Variants in GABRG3 observed in about 807,000 individuals in gnomAD.
The protein encoded by GABRG3 is gamma-aminobutyric acid type A receptor subunit gamma3.
A neutral mutation model predicts 48.8 loss-of-function variants in GABRG3; 25 were observed. The observed-to-expected ratio is 0.51, with a 90% CI of 0.37 to 0.72. The LOEUF is 0.72. Ranked by LOEUF, GABRG3 falls within the 30% of genes least tolerant of loss-of-function variation. The pLI is 0.00. For synonymous variants in GABRG3, 227 were observed against 217.6 expected (o/e 1.04, Z -0.38); for missense variants, 394 against 577.9 (o/e 0.68, Z 3.26).
chr15:26,983,904 C>A (rs1340991096), intron 2 of GABRG3, among the ~76,000 whole-genome samples: 1 of 152,142 alleles, frequency 6.6e-6, no homozygotes, highest in Non-Finnish European at 1.5e-5. Context: ...TTCAGGGACA[C>A]TAGACCTCCT....
chr15:27,106,780 A>T (rs150649246), intron 3 of GABRG3, among the ~76,000 whole-genome samples: 65 of 152,138 alleles, frequency 4.3e-4, no homozygotes, highest in African/African-American at 1.5e-3. Context: ...TAAAAAAGGA[A>T]CACTCTGAAT....
chr15:27,117,115 A>G (rs1456729294), intron 3 of GABRG3, among the ~76,000 whole-genome samples: 1 of 152,226 alleles, frequency 6.6e-6, no homozygotes, highest in Non-Finnish European at 1.5e-5. Flanking sequence ...CAATAGCTCA[A>G]GGTCACAAAG....
chr15:27,349,161 A>T (rs1894473002), intron 5 of GABRG3, among the ~76,000 whole-genome samples: 1 of 152,206 alleles, frequency 6.6e-6, no homozygotes, highest in Non-Finnish European at 1.5e-5. Context: ...TAATGATAAA[A>T]TAAGTTGCTA....
rs562632928 is a variant in GABRG3, at chr15:27,185,415, C to T, written c.271-141394C>T. 1.1e-4 allele frequency among the ~76,000 whole-genome samples: 17 copies of T among 152,126 alleles called. No individual in the cohort carries two copies. The East Asian group carries it at 3.3e-3, about 29-fold the overall frequency. ...AGAACATACTTCCTTCATGTGTTTT[C>T]AGTTACTTTAAAATTCTTGAGATTT... is the stretch of plus-strand genomic sequence containing the variant. On this transcript the variant is annotated intron_variant, in intron 3 of 9. Coordinates refer to ENST00000615808, the MANE Select transcript of GABRG3 (RefSeq NM_033223.5).
chr15:27,078,262 A>T (rs1391729988), intron 3 of GABRG3, among the ~76,000 whole-genome samples: 1 of 152,140 alleles, frequency 6.6e-6, no homozygotes, highest in Non-Finnish European at 1.5e-5. Context: ...TCTAAATGAC[A>T]CTGTCAGTCA....
chr15:27,363,500 T>A (rs1895089447), intron 5 of GABRG3: 1 of 152,198 alleles, frequency 6.6e-6, no homozygotes, highest in Non-Finnish European at 1.5e-5. Context: ...AAAATATTAA[T>A]GGACTGAGTT....
intron 5 of GABRG3, chr15:27,365,970 T>C (rs1453538325): frequency 6.6e-6 from 1 of 152,210 alleles, no homozygotes; most frequent in Non-Finnish European, 1.5e-5. Context: ...CAGATTTTGA[T>C]TTTTCTAGGC....
At chr15:27,120,146 T>C (rs6606875) in intron 3 of GABRG3, among the ~76,000 whole-genome samples, 152,334 of 152,338 alleles carry the variant, frequency 1, 76,165 homozygotes, top group Middle Eastern at 1. Flanking sequence ...TAAAACTCCA[T>C]GTGTCCCCAG....
intron 5 of GABRG3, among the ~76,000 whole-genome samples, chr15:27,408,168 G>T (rs1476939200): frequency 1.3e-5 from 2 of 152,168 alleles, no homozygotes; most frequent in African/African-American, 4.8e-5. Context: ...TCTCACACCA[G>T]TGGTTCTATA....
intron 3 of GABRG3, among the ~76,000 whole-genome samples, chr15:27,085,901 T>C (rs559005420): frequency 1.3e-5 from 2 of 152,344 alleles, no homozygotes; most frequent in East Asian, 3.9e-4. Flanking sequence ...GGATATATCC[T>C]GCTTTTAGAT....
At chr15:27,471,387 C>A (rs1240398746) in intron 5 of GABRG3, among the ~76,000 whole-genome samples, 1 of 152,186 alleles carries the variant, frequency 6.6e-6, no homozygotes, top group Admixed American at 6.5e-5. Flanking sequence ...AATCTTGTGA[C>A]CTCCAGACAA....
At chr15:27,000,630 G>A (rs535221065) in intron 2 of GABRG3, among the ~76,000 whole-genome samples, 4 of 152,058 alleles carry the variant, frequency 2.6e-5, no homozygotes, top group East Asian at 1.9e-4. Context: ...AGTGTGTATC[G>A]CCTCCCCCCA....
intron 5 of GABRG3, among the ~76,000 whole-genome samples, chr15:27,386,723 C>T (rs546763536): frequency 3.3e-5 from 5 of 152,274 alleles, no homozygotes; most frequent in East Asian, 1.9e-4. Flanking sequence ...CTACAGACTC[C>T]GCTGTTTATA....
At chr15:27,294,058 A>T in intron 3 of GABRG3, among the ~76,000 whole-genome samples, 1 of 152,170 alleles carries the variant, frequency 6.6e-6, no homozygotes, top group East Asian at 1.9e-4. Flanking sequence ...TCCATTAAGT[A>T]TGAAACACTT....
chr15:27,426,180 C>T (rs1888285409), intron 5 of GABRG3, among the ~76,000 whole-genome samples: 1 of 152,118 alleles, frequency 6.6e-6, no homozygotes. Context: ...GTGCCTCCTC[C>T]CCACAGAAAG....
intron 3 of GABRG3, among the ~76,000 whole-genome samples, chr15:27,259,426 A>G (rs1049285250): frequency 5.5e-4 from 83 of 152,184 alleles, no homozygotes; most frequent in African/African-American, 2.0e-3. Context: ...CTTTCTGCAG[A>G]GCCTCCTTGT....
intron 3 of GABRG3, among the ~76,000 whole-genome samples, chr15:27,186,388 C>T (rs1305601666): frequency 1.3e-5 from 2 of 152,136 alleles, no homozygotes; most frequent in Admixed American, 1.3e-4. Context: ...ATATGTACCA[C>T]ATTTTCTTTA....
At chr15:27,516,598 A>G (rs138767154) in intron 6 of GABRG3, among the ~76,000 whole-genome samples, 1 of 152,266 alleles carries the variant, frequency 6.6e-6, no homozygotes, top group Non-Finnish European at 1.5e-5. Flanking sequence ...CACTGGTTTT[A>G]TTTATCTGAT....
At position 27,152,141 on chromosome 15, in the gene GABRG3, A is replaced by C. The variant is rs571750999; in HGVS notation, c.270+125320A>C. On this transcript the variant is annotated intron_variant, in intron 3 of 9. Coordinates refer to ENST00000615808, the MANE Select transcript of GABRG3 (RefSeq NM_033223.5). ...GTTTTATAGTTTCATTAATTCTGTG[A>C]TACATTTTGAATTACTTTTTGATAT... is the stretch of plus-strand genomic sequence containing the variant. Among the ~76,000 whole-genome samples, 10 of 152,148 alleles carry C rather than the reference A, an allele frequency of 6.6e-5. No homozygotes were observed. The East Asian group carries it at 1.9e-3, about 29-fold the overall frequency.
Sources: allele counts gnomAD v4.1 joint callset (sites outside exome capture counted in the v4.1 genomes callset), GRCh38; gene constraint gnomAD v4.1.1; transcripts MANE v1.5; gene names NCBI Gene and HGNC (gene_info 2026-07-23, HGNC 2026-07-21).